GALNT13: variants seen among roughly 807,000 people sequenced by gnomAD.
GALNT13 encodes the protein UDP-GalNAc:polypeptide N-acetylgalactosaminyltransferase 13.
Under a neutral mutation model 64.2 loss-of-function variants are expected in GALNT13, and 28 were observed. The ratio of observed to expected loss-of-function variants is 0.44; its 90% CI spans 0.32 to 0.60. The LOEUF (loss-of-function observed/expected upper bound fraction) is 0.60, where lower values mean the gene tolerates loss of function less well. Ranked by LOEUF, GALNT13 falls within the 20% of genes least tolerant of loss-of-function variation. The pLI, the probability that GALNT13 is intolerant of heterozygous loss-of-function variation, is 0.05. For missense variants in GALNT13, 577 were observed against 669.8 expected, an observed-to-expected ratio of 0.86 and a Z score of 1.53; for synonymous variants, 214 against 224.6, an observed-to-expected ratio of 0.95 and a Z score of 0.42.
chr2:154,163,269 A>G (rs1684841985), intron 4 of GALNT13, among the ~76,000 whole-genome samples: 1 of 151,298 alleles, frequency 6.6e-6, no homozygotes, highest in Non-Finnish European at 1.5e-5. Context: ...GGAAATAGAG[A>G]CACAAAAAAC....
the GALNT13 span, among the ~76,000 whole-genome samples, chr2:153,389,477 C>A: frequency 6.6e-6 from 1 of 152,038 alleles, no homozygotes; most frequent in African/African-American, 2.4e-5. Flanking sequence ...TAATTTCAAA[C>A]AAGCACAAGG....
At chr2:153,821,846 C>T in the GALNT13 span, among the ~76,000 whole-genome samples, 2 of 151,882 alleles carry the variant, frequency 1.3e-5, no homozygotes, top group African/African-American at 4.8e-5. Flanking sequence ...CTAAAGTAAC[C>T]ATGAAAAAGA....
At chr2:153,600,026 A>T in the GALNT13 span, among the ~76,000 whole-genome samples, 6 of 151,964 alleles carry the variant, frequency 3.9e-5, no homozygotes, top group African/African-American at 1.4e-4. Flanking sequence ...CTCTACTGCC[A>T]TCCAAATCTC....
At chr2:153,556,469 T>C in the GALNT13 span, among the ~76,000 whole-genome samples, 3,764 of 152,346 alleles carry the variant, frequency 0.025, 150 homozygotes, top group African/African-American at 0.086. Context: ...CTGTTGACGA[T>C]ATAATACTTT....
At chr2:153,332,518 G>A in the GALNT13 span, among the ~76,000 whole-genome samples, 6 of 146,822 alleles carry the variant, frequency 4.1e-5, no homozygotes, top group South Asian at 6.4e-4. Context: ...TCATTCCACC[G>A]TGGCCTGAGA....
In GALNT13 at chr2:154,451,962, ATTAATCATT is replaced by A; in HGVS notation, c.*1414_*1422del. 6.6e-6 allele frequency: 1 copy of A among 152,200 alleles called. No homozygotes were observed. Among genetic ancestry groups the A allele is most frequent in the Middle Eastern group, 3.4e-3 (1 of 294 alleles). 9.4% of individuals were successfully genotyped at this position (152,200 alleles called of 1,614,324 possible). The stretch of plus-strand genomic sequence containing the variant: ...TACTTAAAAAGCTCTTATAGAAAGG[ATTAATCATT>A]TTGACTGCATACAAACTATGTCTCT... On this transcript the variant is annotated 3_prime_UTR_variant, in exon 13 of 13. Coordinates refer to ENST00000392825, the MANE Select transcript of GALNT13 (RefSeq NM_052917.4).
the GALNT13 span, among the ~76,000 whole-genome samples, chr2:153,663,305 T>C: frequency 6.6e-6 from 1 of 152,224 alleles, no homozygotes; most frequent in Non-Finnish European, 1.5e-5. Context: ...CAATGGAGTA[T>C]AGAATAATAA....
At chr2:154,040,773 G>A (rs1698929077) in intron 3 of GALNT13, among the ~76,000 whole-genome samples, 1 of 139,948 alleles carries the variant, frequency 7.1e-6, no homozygotes, top group African/African-American at 2.4e-5. Context: ...ATTGAACTGG[G>A]AAAATGATTT....
chr2:154,438,291 A>G (rs139428812), intron 11 of GALNT13, among the ~76,000 whole-genome samples: 61 of 152,324 alleles, frequency 4.0e-4, no homozygotes, highest in Non-Finnish European at 7.8e-4. Context: ...TACTTAACCT[A>G]TTGAGAGCTT....
At chr2:154,292,905 A>C (rs569154879) in intron 8 of GALNT13, among the ~76,000 whole-genome samples, 1 of 152,320 alleles carries the variant, frequency 6.6e-6, no homozygotes, top group Non-Finnish European at 1.5e-5. Flanking sequence ...GGGTGCCAAA[A>C]ATCATGAAAA....
At chr2:153,380,750 T>A in the GALNT13 span, among the ~76,000 whole-genome samples, 1 of 152,156 alleles carries the variant, frequency 6.6e-6, no homozygotes, top group Non-Finnish European at 1.5e-5. Context: ...TGGGGAATCA[T>A]TGAAGAATGT....
chr2:154,338,334 C>CTTTCATTGTTT (rs200826806), intron 9 of GALNT13, among the ~76,000 whole-genome samples: 4,101 of 152,048 alleles, frequency 0.027, 93 homozygotes, highest in Non-Finnish European at 0.043. Context: ...GGTGAAAAGT[C>CTTTCATTGTTT]TTTCATTGTT....
At chr2:153,845,073 C>T in the GALNT13 span, among the ~76,000 whole-genome samples, 1 of 152,168 alleles carries the variant, frequency 6.6e-6, no homozygotes, top group South Asian at 2.1e-4. Flanking sequence ...TTCTTTCAAG[C>T]CCTCCAAAGT....
the GALNT13 span, among the ~76,000 whole-genome samples, chr2:153,293,311 A>G: frequency 3.3e-5 from 5 of 152,128 alleles, no homozygotes; most frequent in Non-Finnish European, 7.3e-5. Flanking sequence ...GCCCACCTGG[A>G]TTGGCTCAAG....
the GALNT13 span, among the ~76,000 whole-genome samples, chr2:153,291,998 A>G: frequency 6.6e-6 from 1 of 152,208 alleles, no homozygotes; most frequent in South Asian, 2.1e-4. Context: ...TGAAAAAGGA[A>G]ATGCCCTATC....
chr2:153,684,185 A>G, the GALNT13 span, among the ~76,000 whole-genome samples: 1 of 151,690 alleles, frequency 6.6e-6, no homozygotes, highest in East Asian at 1.9e-4. Flanking sequence ...TGTGAATAAT[A>G]CATAACAAGT....
At chr2:154,252,787 TAAGGA>T (rs1012436296) in intron 7 of GALNT13, among the ~76,000 whole-genome samples, 1 of 150,876 alleles carries the variant, frequency 6.6e-6, no homozygotes, top group Non-Finnish European at 1.5e-5. Context: ...AGATAATAGA[TAAGGA>T]AAGGAGAGGA....
chr2:154,394,282 A>AG (rs1185475124), intron 9 of GALNT13, among the ~76,000 whole-genome samples: 3 of 152,122 alleles, frequency 2.0e-5, no homozygotes, highest in Non-Finnish European at 4.4e-5. Context: ...AAAAGTCAAA[A>AG]GAATAGTATT....
the GALNT13 span, among the ~76,000 whole-genome samples, chr2:153,753,003 C>G: frequency 1.3e-5 from 2 of 152,048 alleles, no homozygotes; most frequent in African/African-American, 4.8e-5. Flanking sequence ...TTAATTCTTT[C>G]TACTGCTTTA....
Sources: allele counts gnomAD v4.1 joint callset (sites outside exome capture counted in the v4.1 genomes callset), GRCh38; gene constraint gnomAD v4.1.1; transcripts MANE v1.5; gene names NCBI Gene and HGNC (gene_info 2026-07-23, HGNC 2026-07-21).